DIP2C: variants seen among roughly 807,000 people sequenced by gnomAD.
The protein encoded by DIP2C is DIP2 acetate--CoA ligase C (putative), also known as disco-interacting protein 2 homolog C.
Under a neutral mutation model 192.4 loss-of-function variants are expected in DIP2C, and 33 were observed. The ratio of observed to expected loss-of-function variants is 0.17; its 90% CI spans 0.13 to 0.23. The LOEUF (loss-of-function observed/expected upper bound fraction) is 0.23, where lower values mean the gene tolerates loss of function less well. DIP2C is among the 10% of genes least tolerant of loss of function. The pLI, the probability that DIP2C is intolerant of heterozygous loss-of-function variation, is 1.00. For synonymous variants in DIP2C, 979 were observed against 864.1 expected, an observed-to-expected ratio of 1.13 and a Z score of -2.33; for missense variants, 1,537 against 2,110.1, an observed-to-expected ratio of 0.73 and a Z score of 5.32.
chr10:426,651 G>A (rs967408062), intron 4 of DIP2C, among the ~76,000 whole-genome samples: 3 of 152,300 alleles, frequency 2.0e-5, no homozygotes, highest in South Asian at 2.1e-4. Context: ...CAGAAGAATA[G>A]ATGTATACAT....
At chr10:537,476 G>A (rs368693881) in intron 1 of DIP2C, among the ~76,000 whole-genome samples, 1 of 152,142 alleles carries the variant, frequency 6.6e-6, no homozygotes, top group African/African-American at 2.4e-5. Context: ...AATGCCCAAG[G>A]AAGCTCAGAC....
chr10:300,534 C>T (rs867604374), intron 32 of DIP2C, among the ~76,000 whole-genome samples: 5 of 152,066 alleles, frequency 3.3e-5, no homozygotes, highest in Non-Finnish European at 5.9e-5. Context: ...ATATTAAGTG[C>T]GTGGAGAAAC....
intron 31 of DIP2C, among the ~76,000 whole-genome samples, chr10:311,971 A>G (rs1360915259): frequency 6.6e-6 from 1 of 152,162 alleles, no homozygotes; most frequent in Non-Finnish European, 1.5e-5. Context: ...CTGTTGAGGT[A>G]GTTCCAAGGT....
chr10:289,261 C>T (rs1363019587), intron 32 of DIP2C, among the ~76,000 whole-genome samples: 1 of 106,710 alleles, frequency 9.4e-6, no homozygotes, highest in Non-Finnish European at 1.9e-5. Flanking sequence ...TCCTACCATC[C>T]CCCAGTGATG....
chr10:592,327 G>C (rs576399524), intron 1 of DIP2C, among the ~76,000 whole-genome samples: 1 of 152,030 alleles, frequency 6.6e-6, no homozygotes, highest in Non-Finnish European at 1.5e-5. Flanking sequence ...CCGTAGCAGC[G>C]GATGTTATAT....
chr10:594,989 G>A (rs1290964112), intron 1 of DIP2C, among the ~76,000 whole-genome samples: 8 of 152,174 alleles, frequency 5.3e-5, no homozygotes, highest in South Asian at 2.1e-4. Context: ...CCGCAGACCT[G>A]GTGCAAAGCA....
intron 4 of DIP2C, among the ~76,000 whole-genome samples, chr10:431,164 T>A (rs1966852039): frequency 1.3e-5 from 2 of 152,230 alleles, no homozygotes; most frequent in South Asian, 4.1e-4. Context: ...TTTGTTCTTC[T>A]TTTTCAATAT....
intron 3 of DIP2C, among the ~76,000 whole-genome samples, chr10:447,138 C>T (rs1320651905): frequency 1.3e-5 from 2 of 152,134 alleles, no homozygotes; most frequent in African/African-American, 2.4e-5. Context: ...AAGGGCTTGT[C>T]ACACACAGTG....
chr10:315,312 T>C (rs185270187), intron 31 of DIP2C, among the ~76,000 whole-genome samples: 27 of 152,354 alleles, frequency 1.8e-4, no homozygotes, highest in African/African-American at 6.5e-4. Flanking sequence ...GTATTTACTC[T>C]TTTCAGTATT....
chr10:472,139 C>T (rs1157872452), intron 3 of DIP2C, among the ~76,000 whole-genome samples: 2 of 152,092 alleles, frequency 1.3e-5, no homozygotes, highest in Non-Finnish European at 2.9e-5. Flanking sequence ...CTAGCAACCA[C>T]GATTAAAAAG....
In DIP2C at chr10:312,508, G is replaced by A. The variant is rs1956607864; in HGVS notation, c.3925-2416C>T. ...ACTAGAGACAGCAGCTGCAGCAGTG[G>A]AAACGGAGTTAAGTGGTTTTCTTCA... On this transcript the variant is annotated intron_variant, in intron 31 of 36. Coordinates refer to ENST00000280886, the MANE Select transcript of DIP2C (RefSeq NM_014974.3). 2.0e-5 allele frequency among the ~76,000 whole-genome samples: 3 copies of A among 152,158 alleles called. 1 individual carries two copies. The South Asian group carries it at 6.2e-4, about 32-fold the overall frequency.
At chr10:500,827 T>C (rs1845176588) in intron 1 of DIP2C, among the ~76,000 whole-genome samples, 2 of 152,162 alleles carry the variant, frequency 1.3e-5, no homozygotes, top group Non-Finnish European at 2.9e-5. Flanking sequence ...GACTGCGATG[T>C]CTCCCCCCAT....
intron 1 of DIP2C, among the ~76,000 whole-genome samples, chr10:602,870 G>T (rs889473881): frequency 1.3e-5 from 2 of 152,112 alleles, no homozygotes; most frequent in African/African-American, 4.8e-5. Context: ...GGTGAGGCCG[G>T]ACAGCAACAT....
chr10:453,660 A>G (rs758496018), intron 3 of DIP2C, among the ~76,000 whole-genome samples: 12 of 152,230 alleles, frequency 7.9e-5, no homozygotes, highest in Non-Finnish European at 1.6e-4. Flanking sequence ...AGCAGCATTA[A>G]CGTGTTATCA....
intron 1 of DIP2C, among the ~76,000 whole-genome samples, chr10:643,362 A>C (rs1855297940): frequency 6.6e-6 from 1 of 152,024 alleles, no homozygotes; most frequent in Non-Finnish European, 1.5e-5. Flanking sequence ...AAATACAAAA[A>C]AATTAGCCAG....
chr10:308,648 T>C (rs1357224409), intron 32 of DIP2C, among the ~76,000 whole-genome samples: 3 of 152,268 alleles, frequency 2.0e-5, no homozygotes, highest in African/African-American at 7.2e-5. Context: ...GACTGAACTT[T>C]GTCCCTGGCA....
chr10:304,315 T>A (rs550956103), intron 32 of DIP2C, among the ~76,000 whole-genome samples: 11 of 152,316 alleles, frequency 7.2e-5, no homozygotes, highest in African/African-American at 2.4e-4. Flanking sequence ...CATTACAGTC[T>A]TACGGAACCA....
chr10:361,308 G>A (rs1959465916), intron 22 of DIP2C, among the ~76,000 whole-genome samples: 2 of 152,174 alleles, frequency 1.3e-5, no homozygotes, highest in African/African-American at 4.8e-5. Context: ...CTTTCTGCAG[G>A]AGGTCACACT....
intron 9 of DIP2C, among the ~76,000 whole-genome samples, chr10:408,213 G>A (rs187726054): frequency 5.3e-5 from 8 of 150,444 alleles, no homozygotes; most frequent in South Asian, 2.1e-4. Context: ...TCCTTTCCCC[G>A]TTGAGTATCT....
Sources: gnomAD v4.1 joint callset for allele counts (sites outside exome capture counted in the v4.1 genomes callset) on GRCh38, gnomAD v4.1.1 for gene constraint, MANE v1.5 for transcripts, NCBI Gene and HGNC (gene_info 2026-07-23, HGNC 2026-07-21) for gene names.